Variants in CNTRL observed in about 807,000 individuals in gnomAD.
CNTRL encodes 110 kDa centrosomal protein.
In CNTRL, 233 loss-of-function variants were observed where a neutral mutation model predicts 303.7. The observed-to-expected ratio is 0.77, with a 90% confidence interval of 0.69 to 0.86. The LOEUF (loss-of-function observed/expected upper bound fraction) is 0.86, where lower values mean the gene tolerates loss of function less well. Ranked by LOEUF, CNTRL falls within the 40% of genes least tolerant of loss-of-function variation. The probability of loss-of-function intolerance (pLI) is 0.00; values close to 1 mark genes in which losing one functional copy is unlikely to be tolerated. For synonymous variants in CNTRL, 900 were observed against 922.2 expected (o/e 0.98, Z 0.44); for missense variants, 2,524 against 2,650.6 (o/e 0.95, Z 1.05).
intron 23 of CNTRL, 90 bp downstream of exon 23, chr9:121,146,346 C>A: frequency 7.7e-7 from 1 of 1,298,774 alleles, no homozygotes; most frequent in Non-Finnish European, 1.1e-6. Flanking sequence ...GAACAGGTAC[C>A]AAAAACAACA....
At position 121,175,110 on chromosome 9, in the gene CNTRL, A is replaced by T; in HGVS notation, c.6840A>T (p.Gln2280His). The change falls in exon 43 of 44, where the codon CAA (glutamine) becomes CAT (histidine). Residue 2280 changes from glutamine to histidine, a missense_variant. Transcript: ENST00000373855. ...GCACTTTACACAGTTTGAGGAGACA[A>T]GTAGATGCTTTAGGGGAATTGGTCA... ...TEGTLHSLRRQVDALGELVTS... is the reference protein window; with the variant it reads ...TEGTLHSLRRHVDALGELVTS... 1.2e-6 allele frequency: 2 copies of T among 1,614,124 alleles called. No homozygotes were observed. The highest frequency in any genetic ancestry group is 1.7e-6 in the Non-Finnish European group (2 of 1,180,014).
At chr9:121,122,279 A>G (rs1337881868) in intron 12 of CNTRL, 2 of 452,260 alleles carry the variant, frequency 4.4e-6, no homozygotes, top group Non-Finnish European at 2.9e-6. Flanking sequence ...CTTTTCAGAA[A>G]GATTTCAAAT....
At chr9:121,132,735 CT>C (rs1222708561) in intron 14 of CNTRL, among the ~76,000 whole-genome samples, 9 of 152,190 alleles carry the variant, frequency 5.9e-5, no homozygotes, top group African/African-American at 2.2e-4. Flanking sequence ...GAATTTTCAG[CT>C]TTTCTGCTGT....
At chr9:121,173,652 T>C (rs2053403994) in intron 41 of CNTRL, 23 bp from the exon 42 acceptor site, 1 of 1,613,616 alleles carries the variant, frequency 6.2e-7, no homozygotes, top group East Asian at 2.2e-5. Flanking sequence ...ATTCATGATA[T>C]CTCTATTTTC....
At chr9:121,159,072 T>G in intron 31 of CNTRL, 53 bp downstream of exon 31, 1 of 1,481,004 alleles carries the variant, frequency 6.8e-7, no homozygotes, top group Non-Finnish European at 9.2e-7. Flanking sequence ...GCTATAGGTT[T>G]ACTTTGATGT....
chr9:121,092,814 TA>T lies in CNTRL; in HGVS notation c.349-2073del, dbSNP rs1348659530. 3.4e-3 allele frequency among the ~76,000 whole-genome samples: 87 copies of T among 25,306 alleles called. 16 individuals carry two copies. Among genetic ancestry groups the T allele is most frequent in the African/African-American group, 0.012 (72 of 6,202 alleles). 16.6% of individuals were successfully genotyped at this position (25,306 alleles called of 152,430 possible). On this transcript the variant is annotated intron_variant, in intron 4 of 43. Transcript: ENST00000373855. Reference sequence around the variant, plus strand: ...TGTAATATATATATCTATATATATATATATTTTTTTTTTTTTGGAGTCTCGC... The same window carrying T: ...TGTAATATATATATCTATATATATATTATTTTTTTTTTTTTGGAGTCTCGC...
At chr9:121,082,075 G>A (rs1009224441) in intron 2 of CNTRL, among the ~76,000 whole-genome samples, 2 of 152,144 alleles carry the variant, frequency 1.3e-5, no homozygotes, top group Non-Finnish European at 2.9e-5. Flanking sequence ...CAAATATATA[G>A]GTTAAAAGAG....
chr9:121,177,064 A>G, intron 43 of CNTRL, 99 bp from the exon 44 acceptor site: 1 of 964,312 alleles, frequency 1.0e-6, no homozygotes, highest in South Asian at 1.4e-5. Context: ...GAGGTACTCA[A>G]ATATGTCATT....
intron 2 of CNTRL, among the ~76,000 whole-genome samples, 177 bp downstream of exon 2, chr9:121,080,655 A>G (rs1368468478): frequency 1.3e-5 from 2 of 152,228 alleles, no homozygotes; most frequent in Non-Finnish European, 2.9e-5. Flanking sequence ...ACCTGAAGCG[A>G]TGGACCCGAT....
chr9:121,096,526 T>C lies in CNTRL; in HGVS notation c.584T>C (p.Leu195Ser), dbSNP rs759184958. 1 of 1,503,148 alleles carries C rather than the reference T, an allele frequency of 6.7e-7. No individual in the cohort carries two copies. Among genetic ancestry groups the C allele is most frequent in the Admixed American group, 1.9e-5 (1 of 53,144 alleles). 93.1% of individuals were successfully genotyped at this position (1,503,148 alleles called of 1,614,324 possible). A position where few individuals can be genotyped will look rare whatever the true frequency, so the allele number is the denominator to read the frequency against. ...TGGTTAGGGAAGAAGTTAAAATCTT[T>C]GCGAGTCCTCAATTTGAAAGGCAAC... ...PVWLGKKLKS[L>S]RVLNLKGNKI... The change falls in exon 6 of 44, where the codon TTG becomes TCG. Residue 195 changes from leucine (L) to serine (S), a missense_variant. Leu to Ser is a moderately radical substitution (Grantham distance 145). Transcript: ENST00000373855.
chr9:121,148,800 C>G lies in CNTRL; in HGVS notation c.3588C>G (p.Ala1196=). 1 of 1,614,016 alleles carries G rather than the reference C, an allele frequency of 6.2e-7. No individual in the cohort carries two copies. The highest frequency in any genetic ancestry group is 8.5e-7 in the Non-Finnish European group (1 of 1,180,010). The part of the protein sequence containing the change: ...DGKEGSQPPP[A]SGYWVYSPIR... Reference sequence around the variant, plus strand: ...AGGAAGGCAGTCAACCTCCCCCTGCCTCAGGATACTGGGTTTATTCTCCCA... The same window carrying G: ...AGGAAGGCAGTCAACCTCCCCCTGCGTCAGGATACTGGGTTTATTCTCCCA... The change falls in exon 24 of 44, where the codon GCC becomes GCG. Residue 1196 remains alanine (A), a synonymous_variant. Transcript: ENST00000373855.
At chr9:121,173,155 T>C in intron 40 of CNTRL, 88 bp from the exon 41 acceptor site, 1 of 1,208,062 alleles carries the variant, frequency 8.3e-7, no homozygotes, top group Non-Finnish European at 1.2e-6. Flanking sequence ...TATTTATAGA[T>C]CTTTAAATAC....
rs1005216082 is a variant in CNTRL at position 121,148,579 on chromosome 9, G to A, written c.3460-93G>A. ...AGAAGCCAAGTTCTTTCTCAACCTT[G>A]CTACATCTCAACTTTGCTGTAGACT... On this transcript the variant is annotated intron_variant, in intron 23 of 43. Coordinates refer to ENST00000373855, the MANE Select transcript of CNTRL (RefSeq NM_007018.6). 4.3e-6 allele frequency: 5 copies of A among 1,163,472 alleles called. No individual in the cohort carries two copies. The Admixed American group carries it at 9.2e-5, about 21-fold the overall frequency. 72.1% of individuals were successfully genotyped at this position (1,163,472 alleles called of 1,614,324 possible).
At chr9:121,165,195 A>G in intron 35 of CNTRL, 95 bp downstream of exon 35, 1 of 1,244,074 alleles carries the variant, frequency 8.0e-7, no homozygotes, top group South Asian at 1.6e-5. Context: ...GCTAATGAGC[A>G]TGGTGTTTCT....
intron 7 of CNTRL, among the ~76,000 whole-genome samples, chr9:121,100,682 A>G (rs967624649): frequency 3.3e-5 from 5 of 152,234 alleles, no homozygotes; most frequent in African/African-American, 4.8e-5. Context: ...GTGCAGAGAC[A>G]CACATAGGCT....
chr9:121,113,045 C>T (rs2049817376), intron 9 of CNTRL, among the ~76,000 whole-genome samples: 1 of 152,228 alleles, frequency 6.6e-6, no homozygotes, highest in African/African-American at 2.4e-5. Context: ...CCAGTGATTC[C>T]AACCAATATC....
intron 34 of CNTRL, among the ~76,000 whole-genome samples, chr9:121,163,075 C>T (rs970905588): frequency 6.6e-5 from 10 of 151,470 alleles, no homozygotes; most frequent in African/African-American, 2.2e-4. Flanking sequence ...CACGTTGGCT[C>T]ATGCCAGTAA....
At chr9:121,176,490 C>T (rs1001753760) in intron 43 of CNTRL, among the ~76,000 whole-genome samples, 2 of 152,050 alleles carry the variant, frequency 1.3e-5, no homozygotes, top group Admixed American at 6.5e-5. Context: ...GGGCAGGGTT[C>T]GAGGAGGAGT....
At chr9:121,152,462 A>G (rs2052329408) in intron 25 of CNTRL, 23 bp from the exon 26 acceptor site, 1 of 1,589,294 alleles carries the variant, frequency 6.3e-7, no homozygotes. Flanking sequence ...TCAGCACTGC[A>G]TTTTTTTCCC....
Sources: gnomAD v4.1 joint callset for allele counts (sites outside exome capture counted in the v4.1 genomes callset) on GRCh38, gnomAD v4.1.1 for gene constraint, MANE v1.5 for transcripts, NCBI Gene and HGNC (gene_info 2026-07-23, HGNC 2026-07-21) for gene names.